Variants in SMYD3 observed in about 807,000 individuals in gnomAD.
SMYD3 encodes histone-lysine N-methyltransferase SMYD3.
SMYD3 carries 36 observed loss-of-function variants against 57.7 expected under a neutral mutation model. The observed-to-expected ratio is 0.62, with a 90% CI of 0.48 to 0.82. SMYD3 has a LOEUF of 0.82. Among genes scored for constraint, SMYD3 ranks in the 40% least tolerant of loss-of-function variants. The pLI, the probability that SMYD3 is intolerant of heterozygous loss-of-function variation, is 0.00. For missense variants in SMYD3, 515 were observed against 538.8 expected, an observed-to-expected ratio of 0.96 and a Z score of 0.44; for synonymous variants, 211 against 195.0, an observed-to-expected ratio of 1.08 and a Z score of -0.68.
rs528370007 is a variant in SMYD3 at position 245,979,591 on chromosome 1, G to A, written c.532-49654C>T. 1.3e-3 allele frequency among the ~76,000 whole-genome samples: 203 copies of A among 152,260 alleles called. 1 individual carries two copies. The highest frequency in any genetic ancestry group is 2.2e-3 in the Non-Finnish European group (148 of 68,020). ...ACAGCCTGCTGCCACCAGGAGCTAC[G>A]GGAAAGAAACGGAACAGTCTGCCTC... On this transcript the variant is annotated intron_variant, in intron 5 of 11. Coordinates refer to ENST00000490107, the MANE Select transcript of SMYD3 (RefSeq NM_001167740.2).
At chr1:246,506,615 T>C (rs2068543020) in intron 1 of SMYD3, among the ~76,000 whole-genome samples, 1 of 152,146 alleles carries the variant, frequency 6.6e-6, no homozygotes, top group Admixed American at 6.5e-5. Flanking sequence ...CGGCGGGGCC[T>C]CTGCAGGGGA....
chr1:245,979,999 C>T (rs1480544961), intron 5 of SMYD3, among the ~76,000 whole-genome samples: 2 of 152,248 alleles, frequency 1.3e-5, no homozygotes, highest in African/African-American at 4.8e-5. Flanking sequence ...CGCACGCTAG[C>T]CCTGCCACTC....
At chr1:246,111,718 T>C (rs1001247) in intron 5 of SMYD3, among the ~76,000 whole-genome samples, 1 of 152,072 alleles carries the variant, frequency 6.6e-6, no homozygotes, top group Non-Finnish European at 1.5e-5. Context: ...AGCAGTCTGC[T>C]AGTTTATGTA....
chr1:246,193,528 A>C (rs994535673), intron 5 of SMYD3: 1 of 152,340 alleles, frequency 6.6e-6, no homozygotes, highest in East Asian at 1.9e-4. Flanking sequence ...CCTGATCTAC[A>C]GAGACAGCAA....
intron 1 of SMYD3, among the ~76,000 whole-genome samples, chr1:246,439,785 T>C (rs2067435997): frequency 6.6e-6 from 1 of 152,048 alleles, no homozygotes; most frequent in Non-Finnish European, 1.5e-5. Flanking sequence ...ACATCTCTAC[T>C]AAAAAAACAG....
At chr1:246,244,946 GAA>G (rs1481873902) in intron 5 of SMYD3, among the ~76,000 whole-genome samples, 2 of 152,074 alleles carry the variant, frequency 1.3e-5, no homozygotes, top group African/African-American at 2.4e-5. Context: ...TCAAAACGCT[GAA>G]GTTTCAATTT....
At chr1:246,482,579 T>C (rs1013194967) in intron 1 of SMYD3, among the ~76,000 whole-genome samples, 19 of 152,114 alleles carry the variant, frequency 1.2e-4, no homozygotes, top group African/African-American at 4.6e-4. Flanking sequence ...TCTCCACAGC[T>C]CTCACTCAGA....
In SMYD3 at chr1:246,148,761, C is replaced by T. The variant is rs1039907917; in HGVS notation, c.531+178440G>A. On this transcript the variant is annotated intron_variant, in intron 5 of 11. Coordinates refer to ENST00000490107, the MANE Select transcript of SMYD3 (RefSeq NM_001167740.2). Reference sequence around the variant, plus strand: ...ACTAAGTGACTTCTGGAACGAAAAGCACAACTGCCATCCTAACCCCCTCCC... The same window carrying T: ...ACTAAGTGACTTCTGGAACGAAAAGTACAACTGCCATCCTAACCCCCTCCC... 2.6e-5 allele frequency among the ~76,000 whole-genome samples: 4 copies of T among 152,328 alleles called. No individual in the cohort carries two copies. In the East Asian group the frequency reaches 5.8e-4, roughly 22 times the overall value.
At chr1:246,131,529 G>A (rs77077394) in intron 5 of SMYD3, among the ~76,000 whole-genome samples, 49 of 152,248 alleles carry the variant, frequency 3.2e-4, no homozygotes, top group African/African-American at 1.0e-3. Context: ...ATACATTTCC[G>A]TTACTTCATA....
chr1:246,048,883 CTTACCAT>C (rs1243869845), intron 5 of SMYD3, among the ~76,000 whole-genome samples: 1 of 152,114 alleles, frequency 6.6e-6, no homozygotes, highest in Non-Finnish European at 1.5e-5. Context: ...TCTTATCTCA[CTTACCAT>C]TGCCTGAACA....
At chr1:246,074,191 G>A (rs1447321337) in intron 5 of SMYD3, among the ~76,000 whole-genome samples, 1 of 152,118 alleles carries the variant, frequency 6.6e-6, no homozygotes, top group Non-Finnish European at 1.5e-5. Flanking sequence ...GCCCAGGTCA[G>A]TAGCACCAGA....
chr1:245,923,647 A>G (rs552368538), intron 7 of SMYD3, among the ~76,000 whole-genome samples: 388 of 152,260 alleles, frequency 2.5e-3, no homozygotes, highest in Non-Finnish European at 4.5e-3. Context: ...ATCCTTTCAG[A>G]GTCTAGGAGT....
intron 1 of SMYD3, among the ~76,000 whole-genome samples, chr1:246,444,901 A>T (rs2067530399): frequency 1.3e-5 from 2 of 152,228 alleles, no homozygotes; most frequent in South Asian, 4.1e-4. Flanking sequence ...AATTTGACAT[A>T]GGGGTGCAGA....
intron 1 of SMYD3, among the ~76,000 whole-genome samples, 190 bp downstream of exon 1, chr1:246,506,864 G>C (rs1296217781): frequency 6.6e-6 from 1 of 152,094 alleles, no homozygotes; most frequent in Non-Finnish European, 1.5e-5. Context: ...GCAACCTAGG[G>C]GGGTGTCCGG....
intron 10 of SMYD3, among the ~76,000 whole-genome samples, chr1:245,765,822 C>A (rs1251349174): frequency 5.3e-5 from 8 of 152,134 alleles, no homozygotes; most frequent in African/African-American, 1.9e-4. Context: ...GCAGGGCCTG[C>A]CATGTGCCAG....
chr1:246,021,822 GAAAAATGA>G (rs915914953), intron 5 of SMYD3, among the ~76,000 whole-genome samples: 2 of 152,248 alleles, frequency 1.3e-5, no homozygotes, highest in Admixed American at 1.3e-4. Context: ...TGGAAAGATG[GAAAAATGA>G]AACTGTGCAT....
intron 8 of SMYD3, among the ~76,000 whole-genome samples, chr1:245,883,899 G>A (rs1452636347): frequency 6.6e-6 from 1 of 152,138 alleles, no homozygotes. Context: ...AAAACCCAGA[G>A]TGGGTGATGT....
At position 245,953,140 on chromosome 1, in the gene SMYD3, T is replaced by C. The variant is rs147871443; in HGVS notation, c.532-23203A>G. ...ATAAACACCTTTGGGTAAAGTGTTA[T>C]TTCCCCAAAGAGGAATTGAAGCTAG... is the stretch of plus-strand genomic sequence containing the variant. On this transcript the variant is annotated intron_variant, in intron 5 of 11. Coordinates refer to ENST00000490107, the MANE Select transcript of SMYD3 (RefSeq NM_001167740.2). 1.3e-4 allele frequency: 107 copies of C among 811,626 alleles called. No individual in the cohort carries two copies. In the East Asian group the frequency reaches 8.9e-3, roughly 68 times the overall value. 50.3% of individuals were successfully genotyped at this position (811,626 alleles called of 1,614,324 possible). A position where few individuals can be genotyped will look rare whatever the true frequency, so the allele number is the denominator to read the frequency against.
At chr1:246,462,839 TAAAC>T (rs1322859069) in intron 1 of SMYD3, among the ~76,000 whole-genome samples, 2 of 151,876 alleles carry the variant, frequency 1.3e-5, no homozygotes, top group East Asian at 1.9e-4. Flanking sequence ...AATTTGCTGG[TAAAC>T]AAAGCAACAA....
Sources: allele counts gnomAD v4.1 joint callset (sites outside exome capture counted in the v4.1 genomes callset), GRCh38; gene constraint gnomAD v4.1.1; transcripts MANE v1.5; gene names NCBI Gene and HGNC (gene_info 2026-07-23, HGNC 2026-07-21).